The following NMNAT3 variants were observed in gnomAD, a reference collection of about 807,000 sequenced individuals.
NMNAT3 encodes the protein nicotinamide nucleotide adenylyltransferase 3.
Under a neutral mutation model 24.8 loss-of-function variants are expected in NMNAT3, and 21 were observed. The observed-to-expected ratio is 0.85, with a 90% CI of 0.60 to 1.22. The LOEUF is 1.22. NMNAT3 is among the 50% of genes most tolerant of loss of function. NMNAT3 has a pLI of 0.00. For missense variants in NMNAT3, 387 were observed against 436.6 expected, an observed-to-expected ratio of 0.89 and a Z score of 1.01; for synonymous variants, 136 against 155.2, an observed-to-expected ratio of 0.88 and a Z score of 0.92.
intron 1 of NMNAT3, among the ~76,000 whole-genome samples, chr3:139,672,050 C>G (rs574603785): frequency 6.6e-6 from 1 of 152,318 alleles, no homozygotes; most frequent in African/African-American, 2.4e-5. Context: ...TGGCTGATAT[C>G]AGGGCTGCTG....
chr3:139,614,064 C>A (rs1424998958), intron 3 of NMNAT3, among the ~76,000 whole-genome samples: 1 of 151,842 alleles, frequency 6.6e-6, no homozygotes, highest in Non-Finnish European at 1.5e-5. Context: ...TGCAGCATAC[C>A]AACATGGCAC....
chr3:139,594,205 A>C (rs2054334922), intron 3 of NMNAT3, among the ~76,000 whole-genome samples: 5 of 152,358 alleles, frequency 3.3e-5, no homozygotes, highest in African/African-American at 1.2e-4. Flanking sequence ...TAAACTAGAA[A>C]ATCTAGAAGA....
At position 139,561,095 on chromosome 3, in the gene NMNAT3, G is replaced by A. The variant is rs747378442; in HGVS notation, c.956C>T (p.Thr319Met). The change falls in exon 7 of 7, where the codon ACG becomes ATG. Residue 319 changes from threonine (T) to methionine (M), a missense_variant. By Grantham distance (81) the Thr-to-Met change is moderately conservative. Coordinates refer to ENST00000643695, the MANE Select transcript of NMNAT3 (RefSeq NM_001320510.2). ...GTAGAGGCCATGGTCCTTGATGTAC[G>A]TGATGACAGCATCGGGAATCAGGTA... 8.7e-6 allele frequency: 14 copies of A among 1,613,808 alleles called. No homozygotes were observed. The highest frequency in any genetic ancestry group is 3.3e-5 in the Admixed American group (2 of 59,970).
chr3:139,595,972 A>C (rs2054435349), intron 3 of NMNAT3, among the ~76,000 whole-genome samples: 2 of 152,244 alleles, frequency 1.3e-5, no homozygotes, highest in African/African-American at 4.8e-5. Context: ...GGATCTAATT[A>C]AATTAAAAAG....
intron 6 of NMNAT3, chr3:139,565,687 T>C (rs1186071551): frequency 6.6e-6 from 1 of 152,226 alleles, no homozygotes; most frequent in Admixed American, 6.5e-5. Flanking sequence ...ACAAAGGACA[T>C]GAACTCATCA....
chr3:139,626,399 A>G (rs1195099958), intron 3 of NMNAT3, among the ~76,000 whole-genome samples: 1 of 151,772 alleles, frequency 6.6e-6, no homozygotes, highest in Non-Finnish European at 1.5e-5. Context: ...TTTATTCTTT[A>G]TAGTGTATTT....
chr3:139,649,407 G>GA (rs959631001), intron 1 of NMNAT3, among the ~76,000 whole-genome samples: 25 of 151,848 alleles, frequency 1.6e-4, no homozygotes, highest in African/African-American at 5.1e-4. Flanking sequence ...TTTAAAAAAA[G>GA]AAAAAAAAGA....
intron 3 of NMNAT3, among the ~76,000 whole-genome samples, chr3:139,596,964 A>ATATATATATATATATATT (rs1405063694): frequency 9.2e-6 from 1 of 108,540 alleles, no homozygotes; most frequent in Non-Finnish European, 1.9e-5. Flanking sequence ...ATATATATAT[A>ATATATATATATATATATT]TTTTTATTAC....
At chr3:139,659,543 T>C (rs9833648) in intron 1 of NMNAT3, among the ~76,000 whole-genome samples, 17,250 of 152,300 alleles carry the variant, frequency 0.11, 1,090 homozygotes, top group Non-Finnish European at 0.14. Context: ...TTTCTAAATA[T>C]ATCTGTTTAC....
chr3:139,661,293 G>T (rs76413897), intron 1 of NMNAT3, among the ~76,000 whole-genome samples: 1 of 152,124 alleles, frequency 6.6e-6, no homozygotes, highest in Non-Finnish European at 1.5e-5. Context: ...GTAGGGCTGC[G>T]TCTAGCTCAG....
chr3:139,648,544 C>T (rs1454266356), intron 1 of NMNAT3, among the ~76,000 whole-genome samples: 2 of 152,148 alleles, frequency 1.3e-5, no homozygotes, highest in Admixed American at 1.3e-4. Flanking sequence ...TAGAGGGGAA[C>T]CAAGGATTTA....
intron 3 of NMNAT3, among the ~76,000 whole-genome samples, chr3:139,610,694 C>G (rs1247221155): frequency 1.3e-5 from 2 of 152,164 alleles, no homozygotes; most frequent in Admixed American, 6.5e-5. Context: ...TCTCCTAAAG[C>G]CCAGAAGACC....
intron 6 of NMNAT3, 63 bp downstream of exon 6, chr3:139,573,535 C>A (rs751120911): frequency 5.1e-6 from 5 of 975,542 alleles, no homozygotes; most frequent in Non-Finnish European, 7.6e-6. Flanking sequence ...ACCCCTACCC[C>A]CTTCAGTTCT....
At chr3:139,636,582 A>G (rs1014226848) in intron 2 of NMNAT3, 3 of 152,244 alleles carry the variant, frequency 2.0e-5, no homozygotes, top group African/African-American at 7.2e-5. Flanking sequence ...CTTGACAAAA[A>G]TGAAGCACAA....
intron 3 of NMNAT3, among the ~76,000 whole-genome samples, chr3:139,605,805 T>C (rs2054916260): frequency 6.6e-6 from 1 of 152,140 alleles, no homozygotes; most frequent in East Asian, 1.9e-4. Flanking sequence ...GGGGCAATAA[T>C]GCCAACCTCA....
Position 139,561,170 on chromosome 3 carries a change from A to G in NMNAT3, c.881T>C (p.Ile294Thr). The G allele has an allele frequency of 1.2e-6, 2 of 1,614,094 alleles. No individual in the cohort carries two copies. The highest frequency in any genetic ancestry group is 1.7e-6 in the Non-Finnish European group (2 of 1,180,024). ...GGCTCGCCTGATGTATGTGGCACTG[A>G]TCTCATTCTGCACAGGCTCCTTGGC... Residue 294 changes from isoleucine (I) to threonine (T), a missense_variant, in exon 7 of 7, where the codon ATC (isoleucine) becomes ACC (threonine). Transcript: ENST00000643695.
intron 3 of NMNAT3, among the ~76,000 whole-genome samples, chr3:139,614,173 A>C (rs2055371542): frequency 1.3e-5 from 2 of 152,252 alleles, no homozygotes; most frequent in South Asian, 4.2e-4. Flanking sequence ...TAGCAACTGT[A>C]AAGACTGATG....
At chr3:139,654,718 T>C (rs181992280) in intron 1 of NMNAT3, among the ~76,000 whole-genome samples, 220 of 152,368 alleles carry the variant, frequency 1.4e-3, no homozygotes, top group African/African-American at 4.7e-3. Flanking sequence ...ATAGGATTTA[T>C]GTTATCAATG....
intron 1 of NMNAT3, among the ~76,000 whole-genome samples, chr3:139,654,327 C>CAT (rs1197513406): frequency 1.3e-5 from 2 of 152,220 alleles, no homozygotes; most frequent in Non-Finnish European, 2.9e-5. Flanking sequence ...CACTGGCAGA[C>CAT]ATGCCCATTC....
Sources: allele counts gnomAD v4.1 joint callset (sites outside exome capture counted in the v4.1 genomes callset), GRCh38; gene constraint gnomAD v4.1.1; transcripts MANE v1.5; gene names NCBI Gene and HGNC (gene_info 2026-07-23, HGNC 2026-07-21).